The following RAB38 variants were observed in gnomAD, a reference collection of about 807,000 sequenced individuals.
RAB38 encodes ras-related protein Rab-38.
Under a neutral mutation model 18.4 loss-of-function variants are expected in RAB38, and 15 were observed. That is an observed-to-expected ratio of 0.82 (90% CI 0.55 to 1.26). The LOEUF (loss-of-function observed/expected upper bound fraction) is 1.26. RAB38 is among the 50% of genes most tolerant of loss of function. The pLI is 0.00. For synonymous variants in RAB38, 101 were observed against 104.4 expected (o/e 0.97, Z 0.20); for missense variants, 294 against 267.4 (o/e 1.10, Z -0.69).
chr11:88,132,235 A>G (rs1337278813), intron 2 of RAB38, among the ~76,000 whole-genome samples: 1 of 152,192 alleles, frequency 6.6e-6, no homozygotes, highest in Non-Finnish European at 1.5e-5. Context: ...GAAAACAGAA[A>G]CTAATGCCCT....
At chr11:87,948,371 A>C in the RAB38 span, among the ~76,000 whole-genome samples, 1 of 151,990 alleles carries the variant, frequency 6.6e-6, no homozygotes, top group Non-Finnish European at 1.5e-5. Flanking sequence ...TCTTTTCCTA[A>C]CTGAATACCC....
the RAB38 span, among the ~76,000 whole-genome samples, chr11:87,828,340 T>C: frequency 6.6e-6 from 1 of 152,196 alleles, no homozygotes; most frequent in Non-Finnish European, 1.5e-5. Flanking sequence ...CTTTGTCATG[T>C]TTACTAGATA....
chr11:87,908,814 G>A, the RAB38 span, among the ~76,000 whole-genome samples: 1 of 151,916 alleles, frequency 6.6e-6, no homozygotes, highest in Non-Finnish European at 1.5e-5. Flanking sequence ...CCTGTATTCG[G>A]TCACAACATA....
chr11:87,930,678 C>T, the RAB38 span, among the ~76,000 whole-genome samples: 2 of 152,110 alleles, frequency 1.3e-5, no homozygotes. Context: ...AGGTTTTCTT[C>T]TAGGGTTTTA....
chr11:87,857,777 G>A, the RAB38 span, among the ~76,000 whole-genome samples: 1 of 152,074 alleles, frequency 6.6e-6, no homozygotes, highest in Non-Finnish European at 1.5e-5. Context: ...TTTTTCAGAT[G>A]AGTAGATTGC....
At chr11:87,820,968 T>G in the RAB38 span, among the ~76,000 whole-genome samples, 568 of 152,222 alleles carry the variant, frequency 3.7e-3, 3 homozygotes, top group Non-Finnish European at 6.6e-3. Flanking sequence ...GATGGAATAT[T>G]TAAAAGGGAA....
At chr11:88,111,980 A>T (rs1175045155), downstream of RAB38, among the ~76,000 whole-genome samples, 2 of 152,238 alleles carry the variant, frequency 1.3e-5, no homozygotes, top group Non-Finnish European at 2.9e-5. Context: ...GGCCAGAATC[A>T]TTTATAAGCT....
chr11:87,825,793 T>C, the RAB38 span, among the ~76,000 whole-genome samples: 1 of 152,106 alleles, frequency 6.6e-6, no homozygotes, highest in South Asian at 2.1e-4. Context: ...TGTCAAGAGG[T>C]GATTGACTCT....
the RAB38 span, among the ~76,000 whole-genome samples, chr11:87,925,818 C>T: frequency 6.6e-6 from 1 of 152,086 alleles, no homozygotes; most frequent in African/African-American, 2.4e-5. Flanking sequence ...TTATAAGTGG[C>T]ATTTAAGCAA....
the RAB38 span, among the ~76,000 whole-genome samples, chr11:88,016,862 TG>T: frequency 9.2e-5 from 14 of 152,114 alleles, 1 homozygote; most frequent in Non-Finnish European, 1.9e-4. Context: ...CAAAACTTGC[TG>T]GGCACGAATC....
the RAB38 span, among the ~76,000 whole-genome samples, chr11:87,976,102 A>T: frequency 2.7e-5 from 4 of 149,552 alleles, no homozygotes; most frequent in Non-Finnish European, 3.0e-5. Context: ...GTATATGTAC[A>T]TATATGTGTG....
the RAB38 span, among the ~76,000 whole-genome samples, chr11:88,075,584 G>T: frequency 3.9e-5 from 6 of 152,066 alleles, no homozygotes; most frequent in Non-Finnish European, 8.8e-5. Flanking sequence ...ATATCAAAAA[G>T]ATAGAAAAAC....
the RAB38 span, among the ~76,000 whole-genome samples, chr11:87,908,966 A>C: frequency 8.5e-5 from 13 of 152,122 alleles, no homozygotes; most frequent in Non-Finnish European, 1.6e-4. Flanking sequence ...GTCACAACTG[A>C]AACTGTAATG....
chr11:87,955,683 AATCTTTCTATC>A, the RAB38 span, among the ~76,000 whole-genome samples: 2 of 148,404 alleles, frequency 1.3e-5, no homozygotes, highest in East Asian at 1.9e-4. Context: ...TCTATCAATC[AATCTTTCTATC>A]ATCTGTCAAT....
the RAB38 span, among the ~76,000 whole-genome samples, chr11:87,863,786 A>G: frequency 1.6e-4 from 25 of 151,936 alleles, no homozygotes; most frequent in East Asian, 4.7e-3. Flanking sequence ...ATAGTTTACT[A>G]TGCAACCTAG....
At chr11:87,928,623 A>G in the RAB38 span, among the ~76,000 whole-genome samples, 1 of 152,094 alleles carries the variant, frequency 6.6e-6, no homozygotes, top group Non-Finnish European at 1.5e-5. Flanking sequence ...GTTTGTTAAA[A>G]CACTGTCAAC....
At chr11:87,853,530 C>T in the RAB38 span, among the ~76,000 whole-genome samples, 1 of 152,184 alleles carries the variant, frequency 6.6e-6, no homozygotes, top group Non-Finnish European at 1.5e-5. Context: ...TTAGGCTACA[C>T]AGTCTATGGT....
At chr11:88,164,910 C>G (rs1447093014) in intron 1 of RAB38, among the ~76,000 whole-genome samples, 1 of 151,970 alleles carries the variant, frequency 6.6e-6, no homozygotes, top group African/African-American at 2.4e-5. Context: ...TACCAACAAG[C>G]ACTACAGCTA....
intron 2 of RAB38, among the ~76,000 whole-genome samples, chr11:88,137,747 G>T (rs1413682448): frequency 6.6e-6 from 1 of 152,154 alleles, no homozygotes; most frequent in Admixed American, 6.5e-5. Context: ...TAAAGCACAG[G>T]ATTGTGGACT....
Sources: allele counts gnomAD v4.1 joint callset (sites outside exome capture counted in the v4.1 genomes callset), GRCh38; gene constraint gnomAD v4.1.1; transcripts MANE v1.5; gene names NCBI Gene and HGNC (gene_info 2026-07-23, HGNC 2026-07-21).